The following RAPGEF2 variants were observed in gnomAD, a reference collection of about 807,000 sequenced individuals.
The protein encoded by RAPGEF2 is PDZ domain containing guanine nucleotide exchange factor (GEF) 1.
RAPGEF2 carries 54 observed loss-of-function variants against 186.7 expected under a neutral mutation model. The ratio of observed to expected loss-of-function variants is 0.29; its 90% confidence interval spans 0.23 to 0.36. RAPGEF2 has a LOEUF of 0.36. Among genes scored for constraint, RAPGEF2 ranks in the 10% least tolerant of loss-of-function variants. The pLI, the probability that RAPGEF2 is intolerant of heterozygous loss-of-function variation, is 1.00. For synonymous variants in RAPGEF2, 712 were observed against 705.9 expected (o/e 1.01, Z -0.14); for missense variants, 1,532 against 2,045.0 (o/e 0.75, Z 4.84).
chr4:159,184,953 T>C (rs1747409040), intron 1 of RAPGEF2, among the ~76,000 whole-genome samples: 1 of 152,230 alleles, frequency 6.6e-6, no homozygotes, highest in Non-Finnish European at 1.5e-5. Flanking sequence ...TTTCTACATA[T>C]GGCTAGCCAG....
chr4:159,218,135 A>G (rs1287418413), intron 4 of RAPGEF2, among the ~76,000 whole-genome samples: 2 of 152,256 alleles, frequency 1.3e-5, no homozygotes, highest in Non-Finnish European at 1.5e-5. Flanking sequence ...TTTATTGGAC[A>G]TTAAACATAT....
chr4:159,228,340 A>G (rs150533846), intron 4 of RAPGEF2: 1 of 152,236 alleles, frequency 6.6e-6, no homozygotes, highest in African/African-American at 2.4e-5. Context: ...TTCTTCAAAG[A>G]TACTGAAGAC....
At chr4:159,129,279 T>C (rs528041689) in intron 1 of RAPGEF2, among the ~76,000 whole-genome samples, 1 of 152,294 alleles carries the variant, frequency 6.6e-6, no homozygotes, top group South Asian at 2.1e-4. Context: ...CCTCTAGTTA[T>C]CTCTTAAGAG....
chr4:159,212,890 T>G (rs1750661187), intron 4 of RAPGEF2, among the ~76,000 whole-genome samples: 1 of 152,216 alleles, frequency 6.6e-6, no homozygotes, highest in Non-Finnish European at 1.5e-5. Context: ...CAGCTTGTTC[T>G]AACTTCTGGA....
At chr4:159,161,843 G>A (rs114337122) in intron 1 of RAPGEF2, among the ~76,000 whole-genome samples, 1 of 152,188 alleles carries the variant, frequency 6.6e-6, no homozygotes, top group African/African-American at 2.4e-5. Context: ...ATAAACCAAG[G>A]ATGGTGATAC....
At chr4:159,218,996 C>T (rs972060047) in intron 4 of RAPGEF2, among the ~76,000 whole-genome samples, 3 of 152,116 alleles carry the variant, frequency 2.0e-5, no homozygotes, top group Non-Finnish European at 4.4e-5. Flanking sequence ...TCTGTTTTAA[C>T]CTAAAAATGT....
chr4:159,219,183 A>G (rs528977376), intron 4 of RAPGEF2, among the ~76,000 whole-genome samples: 2 of 152,160 alleles, frequency 1.3e-5, no homozygotes, highest in Non-Finnish European at 2.9e-5. Flanking sequence ...CAACAGGTAT[A>G]AAAAACTGAC....
chr4:159,120,984 A>G (rs557106907), intron 1 of RAPGEF2, among the ~76,000 whole-genome samples: 1 of 152,012 alleles, frequency 6.6e-6, no homozygotes, highest in South Asian at 2.1e-4. Context: ...CCTCCCTACT[A>G]GCTGGGACTA....
At chr4:159,249,515 T>C (rs1755050830) in intron 7 of RAPGEF2, among the ~76,000 whole-genome samples, 1 of 151,946 alleles carries the variant, frequency 6.6e-6, no homozygotes, top group Non-Finnish European at 1.5e-5. Flanking sequence ...GACAAAACTC[T>C]AGCATTTTAT....
intron 1 of RAPGEF2, among the ~76,000 whole-genome samples, chr4:159,175,546 T>C (rs1416585376): frequency 1.3e-5 from 2 of 152,182 alleles, no homozygotes; most frequent in African/African-American, 2.4e-5. Flanking sequence ...CTGATGGACT[T>C]GTTCCCGACT....
In RAPGEF2 at chr4:159,338,104, C is replaced by CAAAA. The variant is rs1442881797; in HGVS notation, c.2136-205_2136-202dup. Reference sequence around the variant, plus strand: ...GATGCTATATCTAAAAACAAACAAACAAAAACAAAAAACAAAAACAGGAAA... The same window carrying CAAAA: ...GATGCTATATCTAAAAACAAACAAACAAAAAAAAACAAAAAACAAAAACAGGAAA... On this transcript the variant is annotated intron_variant, in intron 17 of 29. Transcript: ENST00000691494. 4.1e-5 allele frequency among the ~76,000 whole-genome samples: 6 copies of CAAAA among 146,914 alleles called. No individual in the cohort carries two copies. In the East Asian group the frequency reaches 1.2e-3, roughly 28 times the overall value.
intron 1 of RAPGEF2, among the ~76,000 whole-genome samples, chr4:159,117,098 A>T (rs1739132748): frequency 6.6e-6 from 1 of 152,232 alleles, no homozygotes; most frequent in Non-Finnish European, 1.5e-5. Context: ...CATCAAATTT[A>T]TACATTTCTA....
chr4:159,160,204 T>C (rs917971125), intron 1 of RAPGEF2, among the ~76,000 whole-genome samples: 21 of 152,244 alleles, frequency 1.4e-4, no homozygotes, highest in African/African-American at 3.9e-4. Flanking sequence ...TACCTTTTAC[T>C]GATTCCCATT....
intron 7 of RAPGEF2, among the ~76,000 whole-genome samples, chr4:159,256,742 T>C (rs1301540853): frequency 6.6e-6 from 1 of 152,142 alleles, no homozygotes; most frequent in African/African-American, 2.4e-5. Flanking sequence ...GCTATTCTGA[T>C]TGGTGTGAGA....
chr4:159,271,422 T>C (rs1455740766), intron 7 of RAPGEF2, among the ~76,000 whole-genome samples: 3 of 152,300 alleles, frequency 2.0e-5, no homozygotes, highest in Non-Finnish European at 4.4e-5. Flanking sequence ...TACTTAAATA[T>C]AGGGAATAAA....
At position 159,332,053 on chromosome 4, in the gene RAPGEF2, T is replaced by C; in HGVS notation, c.1888+19T>C. ...TTATTTGGTAAGTATTTTGCATACT[T>C]TTCATTTTTCTCCTTTTGGCCTTGT... On this transcript the variant is annotated intron_variant, in intron 16 of 29. Transcript: ENST00000691494. The C allele has an allele frequency of 1.3e-6, 2 of 1,495,504 alleles. No individual in the cohort carries two copies. Among genetic ancestry groups the C allele is most frequent in the Non-Finnish European group, 1.8e-6 (2 of 1,093,702 alleles). The allele number at this position is 1,495,504 out of a possible 1,614,324, so 92.6% of individuals were successfully genotyped here.
chr4:159,189,859 G>A (rs1395901805), intron 2 of RAPGEF2, among the ~76,000 whole-genome samples: 1 of 152,190 alleles, frequency 6.6e-6, no homozygotes, highest in Non-Finnish European at 1.5e-5. Flanking sequence ...TACTTACTGT[G>A]TACTTGATAT....
chr4:159,346,935 G>C lies in RAPGEF2; in HGVS notation c.3649G>C (p.Val1217Leu). 6.2e-7 allele frequency: 1 copy of C among 1,614,184 alleles called. No homozygotes were observed. Among genetic ancestry groups the C allele is most frequent in the Non-Finnish European group, 8.5e-7 (1 of 1,180,024 alleles). The change falls in exon 25 of 30, where the codon GTT (valine) becomes CTT (leucine). Residue 1217 changes from valine to leucine, a missense_variant. Physicochemically the swap from Val to Leu is conservative, Grantham distance 32. This residue lies in a region of RAPGEF2 where 594 missense variants were observed against 608.5 expected (regional missense o/e 0.98). Transcript: ENST00000691494. ...ACATAAAATCAACCAGGGACTACAG[G>C]TTCCCGCCGTGTCCCTTTATCCTTC... The part of the protein sequence containing the change: ...PAHKINQGLQ[V>L]PAVSLYPSRK...
intron 1 of RAPGEF2, among the ~76,000 whole-genome samples, chr4:159,138,030 C>T (rs971580531): frequency 6.6e-5 from 10 of 152,142 alleles, no homozygotes; most frequent in Non-Finnish European, 1.2e-4. Context: ...AATTGACTTT[C>T]GCACAGACTG....
Sources: gnomAD v4.1 joint callset for allele counts (sites outside exome capture counted in the v4.1 genomes callset) on GRCh38, gnomAD v4.1.1 for gene constraint, gnomAD v4.1.1 regional missense constraint, MANE v1.5 for transcripts, NCBI Gene and HGNC (gene_info 2026-07-23, HGNC 2026-07-21) for gene names.